The following NCK2 variants were observed in gnomAD, a reference collection of about 807,000 sequenced individuals.
NCK2 encodes the protein NCK adaptor protein 2.
Under a neutral mutation model 33.9 loss-of-function variants are expected in NCK2, and 16 were observed. The ratio of observed to expected loss-of-function variants is 0.47; its 90% confidence interval spans 0.32 to 0.72. The LOEUF is 0.72. Among genes scored for constraint, NCK2 ranks in the 30% least tolerant of loss-of-function variants. The probability of loss-of-function intolerance (pLI) is 0.03; values close to 1 mark genes in which losing one functional copy is unlikely to be tolerated. For missense variants in NCK2, 418 were observed against 537.3 expected, an observed-to-expected ratio of 0.78 and a Z score of 2.19; for synonymous variants, 273 against 239.9, an observed-to-expected ratio of 1.14 and a Z score of -1.27.
At chr2:105,756,236 T>G (rs1371283892) in intron 1 of NCK2, among the ~76,000 whole-genome samples, 1 of 152,240 alleles carries the variant, frequency 6.6e-6, no homozygotes, top group Non-Finnish European at 1.5e-5. Context: ...GACTTTGTTG[T>G]TTCTTACCCC....
At chr2:105,836,075 A>C (rs997746491) in intron 2 of NCK2, among the ~76,000 whole-genome samples, 4 of 106,056 alleles carry the variant, frequency 3.8e-5, no homozygotes, top group Non-Finnish European at 5.5e-5. Flanking sequence ...AGTTTCCTTA[A>C]GATCATTATT....
intron 3 of NCK2, among the ~76,000 whole-genome samples, chr2:105,871,239 G>A (rs967175445): frequency 1.3e-5 from 2 of 152,012 alleles, no homozygotes; most frequent in African/African-American, 2.4e-5. Flanking sequence ...GAGAGATGAG[G>A]AGGATGGTGA....
At chr2:105,852,363 A>G (rs1558869833) in intron 2 of NCK2, among the ~76,000 whole-genome samples, 1 of 152,118 alleles carries the variant, frequency 6.6e-6, no homozygotes, top group Non-Finnish European at 1.5e-5. Context: ...CGGTTCTCTC[A>G]CTTGGCCTTT....
In NCK2 at chr2:105,839,788, G is replaced by A. The variant is rs536273354; in HGVS notation, c.-16-15260G>A. Among the ~76,000 whole-genome samples, 18 of 152,298 alleles carry A rather than the reference G, an allele frequency of 1.2e-4. No individual in the cohort carries two copies. The East Asian group carries it at 2.9e-3, about 25-fold the overall frequency. On this transcript the variant is annotated intron_variant, in intron 2 of 4. Transcript: ENST00000233154. ...GGATGACACTCAAAGCCAAGAGGGC[G>A]GATGGAGGGGAGGCTCCTAGACGGC...
intron 2 of NCK2, among the ~76,000 whole-genome samples, chr2:105,821,568 G>T (rs1451515805): frequency 6.6e-6 from 1 of 152,172 alleles, no homozygotes; most frequent in African/African-American, 2.4e-5. Context: ...TAATTGCCCA[G>T]TAAGTATTGA....
intron 2 of NCK2, among the ~76,000 whole-genome samples, chr2:105,826,947 C>T (rs1425683407): frequency 2.0e-5 from 3 of 151,816 alleles, no homozygotes; most frequent in Non-Finnish European, 4.4e-5. Context: ...AGAGAGTTAC[C>T]AGGGACATAA....
chr2:105,813,641 C>T (rs1408629706), intron 1 of NCK2, among the ~76,000 whole-genome samples: 1 of 152,212 alleles, frequency 6.6e-6, no homozygotes, highest in African/African-American at 2.4e-5. Flanking sequence ...CACTGCCTGG[C>T]CCTGCGCCTG....
chr2:105,765,751 CAGAT>C (rs901201349), intron 1 of NCK2, among the ~76,000 whole-genome samples: 6 of 151,166 alleles, frequency 4.0e-5, no homozygotes, highest in Non-Finnish European at 8.8e-5. Flanking sequence ...CCGTAACAGG[CAGAT>C]AGCCTCCCAC....
At chr2:105,748,677 A>T (rs531420329) in intron 1 of NCK2, among the ~76,000 whole-genome samples, 1 of 152,144 alleles carries the variant, frequency 6.6e-6, no homozygotes, top group African/African-American at 2.4e-5. Flanking sequence ...CTTGACCTCC[A>T]AAAGTACTGG....
intron 1 of NCK2, among the ~76,000 whole-genome samples, chr2:105,792,999 A>G (rs1286061021): frequency 6.6e-6 from 1 of 152,018 alleles, no homozygotes; most frequent in African/African-American, 2.4e-5. Context: ...CTTTTCCCTA[A>G]TGGTGGGATT....
At chr2:105,856,475 TG>T (rs1677275901) in intron 3 of NCK2, among the ~76,000 whole-genome samples, 1 of 152,260 alleles carries the variant, frequency 6.6e-6, no homozygotes, top group South Asian at 2.1e-4. Context: ...CAAGAGGATT[TG>T]TTTTCTTTTG....
At chr2:105,769,497 G>A (rs1002692732) in intron 1 of NCK2, among the ~76,000 whole-genome samples, 2 of 152,216 alleles carry the variant, frequency 1.3e-5, no homozygotes, top group Admixed American at 6.5e-5. Context: ...ATGTTTAAAT[G>A]TAGCACAAAA....
chr2:105,808,651 T>C (rs1466813887), intron 1 of NCK2, among the ~76,000 whole-genome samples: 1 of 152,178 alleles, frequency 6.6e-6, no homozygotes, highest in Non-Finnish European at 1.5e-5. Context: ...ACCCAGCGTC[T>C]TCAGTGCATT....
chr2:105,754,678 CTT>C (rs74265815), intron 1 of NCK2, among the ~76,000 whole-genome samples: 29 of 133,854 alleles, frequency 2.2e-4, no homozygotes, highest in Admixed American at 2.2e-4. Context: ...CCCCCAACAA[CTT>C]TTTTTTTTTT....
rs527997493 is a variant in NCK2, at chr2:105,869,825, GA to G, written c.227-11496del. Reference sequence around the variant, plus strand: ...TGTATTTTTAATTAAAAATTATAATGAAAAAAATTTTTAATTCTCTTCATTG... The same window carrying G: ...TGTATTTTTAATTAAAAATTATAATGAAAAAATTTTTAATTCTCTTCATTG... On this transcript the variant is annotated intron_variant, in intron 3 of 4. Transcript: ENST00000233154. Among the ~76,000 whole-genome samples, 14 of 152,172 alleles carry G rather than the reference GA, an allele frequency of 9.2e-5. No individual in the cohort carries two copies. The South Asian group carries it at 2.5e-3, about 27-fold the overall frequency.
At chr2:105,800,520 C>G (rs1674788590) in intron 1 of NCK2, among the ~76,000 whole-genome samples, 1 of 152,126 alleles carries the variant, frequency 6.6e-6, no homozygotes. Flanking sequence ...GAATACAATT[C>G]AGGATTACGT....
intron 4 of NCK2, among the ~76,000 whole-genome samples, chr2:105,885,013 A>G (rs1392726311): frequency 6.6e-6 from 1 of 152,170 alleles, no homozygotes; most frequent in Non-Finnish European, 1.5e-5. Flanking sequence ...CATTGATTCT[A>G]TGGATGTGGC....
intron 3 of NCK2, among the ~76,000 whole-genome samples, chr2:105,868,806 G>A (rs1288687367): frequency 3.9e-5 from 6 of 152,220 alleles, no homozygotes; most frequent in African/African-American, 1.4e-4. Context: ...CTGGAAAGGC[G>A]ATAGCCTGGC....
At chr2:105,802,791 G>C (rs1159129238) in intron 1 of NCK2, among the ~76,000 whole-genome samples, 2 of 152,052 alleles carry the variant, frequency 1.3e-5, no homozygotes, top group African/African-American at 2.4e-5. Context: ...CAACATCCTT[G>C]TTTGCCCCCA....
Sources: allele counts gnomAD v4.1 joint callset (sites outside exome capture counted in the v4.1 genomes callset), GRCh38; gene constraint gnomAD v4.1.1; transcripts MANE v1.5; gene names NCBI Gene and HGNC (gene_info 2026-07-23, HGNC 2026-07-21).